The following SP100 variants were observed in gnomAD, a reference collection of about 807,000 sequenced individuals.
SP100 encodes the protein SP100 nuclear body protein, also known as nuclear autoantigen Sp-100.
SP100 carries 84 observed loss-of-function variants against 130.0 expected under a neutral mutation model. The observed-to-expected ratio is 0.65, with a 90% CI of 0.54 to 0.77. The LOEUF is 0.77. SP100 is among the 30% of genes least tolerant of loss of function. SP100 has a pLI of 0.00. For missense variants in SP100, 978 were observed against 1,052.2 expected, an observed-to-expected ratio of 0.93 and a Z score of 0.97; for synonymous variants, 331 against 351.7, an observed-to-expected ratio of 0.94 and a Z score of 0.66.
chr2:230,466,616 AT>A (rs2064973428), intron 12 of SP100, among the ~76,000 whole-genome samples: 1 of 152,100 alleles, frequency 6.6e-6, no homozygotes, highest in Admixed American at 6.5e-5. Context: ...AGAAGTTTGT[AT>A]TTTTTTCAAC....
intron 2 of SP100, among the ~76,000 whole-genome samples, chr2:230,424,478 C>T (rs2149862493): frequency 6.6e-6 from 1 of 152,124 alleles, no homozygotes; most frequent in South Asian, 2.1e-4. Context: ...ACCAGCCTGG[C>T]CAACATGGTG....
intron 27 of SP100, 64 bp from the exon 28 acceptor site, chr2:230,541,828 T>C: frequency 6.5e-7 from 1 of 1,547,342 alleles, no homozygotes; most frequent in South Asian, 1.2e-5. Context: ...CAAACCTTTA[T>C]TCCATAATAG....
In SP100 at chr2:230,460,597, T is replaced by TAC. The variant is rs2064543682; in HGVS notation, c.821-665_821-664insAC. The stretch of plus-strand genomic sequence containing the variant: ...GGGGTATTGGTAATCTGTTTCTTTT[T>TAC]TTTTTTTTTTTTTTTTTTTTTTTTT... On this transcript the variant is annotated intron_variant, in intron 8 of 28. Coordinates refer to ENST00000340126, the MANE Select transcript of SP100 (RefSeq NM_001080391.2). Among the ~76,000 whole-genome samples the TAC allele has an allele frequency of 7.1e-3, 59 of 8,324 alleles. 5 individuals carry two copies. The highest frequency in any genetic ancestry group is 0.011 in the Non-Finnish European group (31 of 2,882). 5.5% of individuals were successfully genotyped at this position (8,324 alleles called of 152,430 possible). A position where few individuals can be genotyped will look rare whatever the true frequency, so the allele number is the denominator to read the frequency against.
intron 2 of SP100, among the ~76,000 whole-genome samples, chr2:230,422,073 A>G (rs1220925554): frequency 5.9e-5 from 9 of 151,838 alleles, no homozygotes; most frequent in Non-Finnish European, 8.8e-5. Context: ...TCTAACTTCT[A>G]TGACATTTTC....
Position 230,469,080 on chromosome 2 carries a change from A to G in SP100, c.1329A>G (p.Ile443Met). ...CTAGAAGTACATCTACTTGGAGAATACCCAGCAGGAAGAGACGTAAGAGCA... is the reference window on the plus strand; with the variant it reads ...CTAGAAGTACATCTACTTGGAGAATGCCCAGCAGGAAGAGACGTAAGAGCA... ...MTSRSTSTWR[I>M]PSRKRRFSSS... Residue 443 changes from isoleucine (I) to methionine (M), a missense_variant, in exon 14 of 29, where the codon ATA becomes ATG. Coordinates refer to ENST00000340126, the MANE Select transcript of SP100 (RefSeq NM_001080391.2). The G allele has an allele frequency of 6.9e-6, 11 of 1,599,150 alleles. No homozygotes were observed. Among genetic ancestry groups the G allele is most frequent in the Non-Finnish European group, 9.4e-6 (11 of 1,168,498 alleles).
At chr2:230,480,446 A>G (rs149056026) in intron 17 of SP100, among the ~76,000 whole-genome samples, 1 of 152,360 alleles carries the variant, frequency 6.6e-6, no homozygotes, top group African/African-American at 2.4e-5. Context: ...TCTTTGTCAT[A>G]AGTAATCACA....
intron 2 of SP100, 53 bp downstream of exon 2, chr2:230,417,718 GA>G: frequency 6.3e-7 from 1 of 1,578,588 alleles, no homozygotes; most frequent in Admixed American, 1.9e-5. Flanking sequence ...CTTACGATGG[GA>G]AAATTGATCA....
chr2:230,469,949 A>G, intron 14 of SP100, 66 bp from the exon 15 acceptor site: 1 of 1,548,086 alleles, frequency 6.5e-7, no homozygotes. Context: ...TTTGCTTTTA[A>G]AGAATTCCCT....
At chr2:230,505,037 G>C (rs1272344239) in intron 21 of SP100, among the ~76,000 whole-genome samples, 3 of 152,108 alleles carry the variant, frequency 2.0e-5, no homozygotes, top group African/African-American at 7.2e-5. Flanking sequence ...ATTATGAACA[G>C]TTTAGCCCAC....
intron 27 of SP100, 106 bp from the exon 28 acceptor site, chr2:230,541,786 A>AG (rs749371553): frequency 1.8e-4 from 215 of 1,228,462 alleles, no homozygotes; most frequent in Non-Finnish European, 2.2e-4. Flanking sequence ...CAGGGGGGTT[A>AG]GGATTTTGAC....
chr2:230,464,361 G>A (rs993909610), intron 11 of SP100, among the ~76,000 whole-genome samples: 1 of 152,102 alleles, frequency 6.6e-6, no homozygotes, highest in Non-Finnish European at 1.5e-5. Context: ...TAACTGGATT[G>A]GTTCAATCGA....
intron 25 of SP100, 69 bp from the exon 26 acceptor site, chr2:230,540,807 T>TG: frequency 6.4e-7 from 1 of 1,552,518 alleles, no homozygotes; most frequent in Non-Finnish European, 8.7e-7. Flanking sequence ...GCAGAGGACT[T>TG]GAACAACTGT....
Position 230,537,330 on chromosome 2 carries a change from G to A in SP100, c.2095-1937G>A, listed in dbSNP as rs545375678. Among the ~76,000 whole-genome samples the A allele has an allele frequency of 2.0e-4, 30 of 152,286 alleles. No individual in the cohort carries two copies. The South Asian group carries it at 2.1e-3, about 11-fold the overall frequency. ...GAGGGGATAGAAAAGAAGTTGCCAT[G>A]CCCTCTATTTTCTTAGCCAATGCTC... On this transcript the variant is annotated intron_variant, in intron 24 of 28. Coordinates refer to ENST00000340126, the MANE Select transcript of SP100 (RefSeq NM_001080391.2).
intron 23 of SP100, chr2:230,510,726 A>C (rs1690528937): frequency 4.3e-6 from 1 of 231,932 alleles, no homozygotes; most frequent in South Asian, 5.5e-5. Flanking sequence ...TGATCTCTTG[A>C]CCTTGTGATC....
chr2:230,437,391 T>C (rs561726274), intron 2 of SP100, among the ~76,000 whole-genome samples: 1 of 152,310 alleles, frequency 6.6e-6, no homozygotes, highest in East Asian at 1.9e-4. Context: ...CATTTTCTTT[T>C]GTTTTCTAAA....
intron 22 of SP100, 115 bp downstream of exon 22, chr2:230,506,560 G>T (rs890477069): frequency 2.0e-6 from 2 of 1,021,598 alleles, no homozygotes; most frequent in Non-Finnish European, 2.9e-6. Flanking sequence ...CTCTGCCCAG[G>T]TCTCCATGCA....
intron 12 of SP100, 35 bp downstream of exon 12, chr2:230,466,389 A>C: frequency 9.2e-7 from 1 of 1,092,496 alleles, no homozygotes; most frequent in Non-Finnish European, 1.4e-6. Context: ...GGTAAGAGAA[A>C]ATAACTTCTC....
At chr2:230,466,868 G>T (rs1434957174) in intron 12 of SP100, among the ~76,000 whole-genome samples, 2 of 152,214 alleles carry the variant, frequency 1.3e-5, no homozygotes, top group Non-Finnish European at 2.9e-5. Flanking sequence ...CCAAGACAAA[G>T]CAGAGATGCC....
At chr2:230,510,460 G>A (rs1256290337) in intron 23 of SP100, 2 of 124,130 alleles carry the variant, frequency 1.6e-5, no homozygotes, top group East Asian at 5.1e-4. Context: ...TTCTCTGGAT[G>A]GAATGACACT....
Sources: allele counts gnomAD v4.1 joint callset (sites outside exome capture counted in the v4.1 genomes callset), GRCh38; gene constraint gnomAD v4.1.1; transcripts MANE v1.5; gene names NCBI Gene and HGNC (gene_info 2026-07-23, HGNC 2026-07-21).